DPP6: variants seen among roughly 807,000 people sequenced by gnomAD.
DPP6 encodes the protein dipeptidyl peptidase like 6.
DPP6 carries 69 observed loss-of-function variants against 122.6 expected under a neutral mutation model. The observed-to-expected ratio is 0.56, with a 90% CI of 0.46 to 0.69. The LOEUF (loss-of-function observed/expected upper bound fraction) is 0.69. Among genes scored for constraint, DPP6 ranks in the 30% least tolerant of loss-of-function variants. The probability of loss-of-function intolerance (pLI) is 0.00; values close to 1 mark genes in which losing one functional copy is unlikely to be tolerated. For synonymous variants in DPP6, 418 were observed against 433.1 expected (o/e 0.97, Z 0.43); for missense variants, 928 against 1,116.9 (o/e 0.83, Z 2.41).
intron 1 of DPP6, among the ~76,000 whole-genome samples, chr7:154,151,936 AC>A (rs1796444869): frequency 6.6e-6 from 1 of 151,028 alleles, no homozygotes; most frequent in Non-Finnish European, 1.5e-5. Context: ...TACGAGATCA[AC>A]CCCACACATT....
At chr7:154,087,437 G>A (rs567904591) in intron 1 of DPP6, among the ~76,000 whole-genome samples, 5 of 152,356 alleles carry the variant, frequency 3.3e-5, no homozygotes, top group African/African-American at 4.8e-5. Flanking sequence ...GACTGAATAT[G>A]GGTTGGAGGG....
At chr7:154,748,807 GCCTTGT>G (rs1182499667) in intron 8 of DPP6, among the ~76,000 whole-genome samples, 1 of 152,210 alleles carries the variant, frequency 6.6e-6, no homozygotes, top group Admixed American at 6.5e-5. Flanking sequence ...TCCCACCGAG[GCCTTGT>G]CCTGCAAGCC....
At position 154,265,971 on chromosome 7, in the gene DPP6, A is replaced by T. The variant is rs184384085; in HGVS notation, c.244-180243A>T. On this transcript the variant is annotated intron_variant, in intron 1 of 25. Coordinates refer to ENST00000377770, the MANE Select transcript of DPP6 (RefSeq NM_130797.4). ...CAGTCTAGAAATAACTTGGGTGTCCACATGTGAGGTAAGCATCTGGAACTA... is the reference window on the plus strand; with the variant it reads ...CAGTCTAGAAATAACTTGGGTGTCCTCATGTGAGGTAAGCATCTGGAACTA... Among the ~76,000 whole-genome samples the T allele has an allele frequency of 2.2e-3, 329 of 152,326 alleles. 3 individuals are homozygous for T. The highest frequency in any genetic ancestry group is 7.5e-3 in the African/African-American group (313 of 41,574).
At chr7:153,967,410 A>G (rs1167447282) in intron 1 of DPP6, among the ~76,000 whole-genome samples, 2 of 152,158 alleles carry the variant, frequency 1.3e-5, no homozygotes, top group Non-Finnish European at 2.9e-5. Context: ...GAGCATGAAC[A>G]AGGAGCATCT....
At chr7:154,557,529 A>G (rs1830131998) in intron 4 of DPP6, among the ~76,000 whole-genome samples, 1 of 152,148 alleles carries the variant, frequency 6.6e-6, no homozygotes, top group Non-Finnish European at 1.5e-5. Flanking sequence ...GGCACTGGGA[A>G]TAGAACCGTG....
At chr7:153,784,704 AT>A in the DPP6 span, among the ~76,000 whole-genome samples, 1 of 152,172 alleles carries the variant, frequency 6.6e-6, no homozygotes, top group African/African-American at 2.4e-5. Flanking sequence ...GTCTGAAAAG[AT>A]CTAGTGGTCC....
At chr7:154,119,380 C>T (rs1255839723) in intron 1 of DPP6, among the ~76,000 whole-genome samples, 2 of 152,050 alleles carry the variant, frequency 1.3e-5, no homozygotes, top group Non-Finnish European at 2.9e-5. Flanking sequence ...GGGTTCCCAT[C>T]CAAAGCAACC....
intron 1 of DPP6, among the ~76,000 whole-genome samples, chr7:153,962,806 C>T (rs911131781): frequency 1.3e-5 from 2 of 152,210 alleles, no homozygotes; most frequent in Admixed American, 1.3e-4. Flanking sequence ...CACAAATACT[C>T]TACATTTTAG....
intron 1 of DPP6, among the ~76,000 whole-genome samples, chr7:154,355,837 A>G (rs1811229898): frequency 6.6e-6 from 1 of 152,208 alleles, no homozygotes; most frequent in South Asian, 2.1e-4. Flanking sequence ...GTTTTCATTA[A>G]AATTTTAGAA....
chr7:154,249,738 A>T lies in DPP6; in HGVS notation c.244-196476A>T, dbSNP rs528910226. On this transcript the variant is annotated intron_variant, in intron 1 of 25. Coordinates refer to ENST00000377770, the MANE Select transcript of DPP6 (RefSeq NM_130797.4). ...CTGTCCCCAGATGCATTTCCATGTG[A>T]CTATACACATATGCACACAATCTTG... Among the ~76,000 whole-genome samples, 6 of 152,154 alleles carry T rather than the reference A, an allele frequency of 3.9e-5. No individual in the cohort carries two copies. In the East Asian group the frequency reaches 1.2e-3, roughly 30 times the overall value.
chr7:153,791,053 T>C, the DPP6 span, among the ~76,000 whole-genome samples: 1 of 152,224 alleles, frequency 6.6e-6, no homozygotes, highest in East Asian at 1.9e-4. Flanking sequence ...CTGTTCATTA[T>C]TATAGACAAT....
rs1428439369 is a variant in DPP6, at chr7:154,734,634, G to A, written c.883+6747G>A. On this transcript the variant is annotated intron_variant, in intron 8 of 25. Transcript: ENST00000377770. Reference sequence around the variant, plus strand: ...ATCTCTTATTTGCATGATGGGAAATGTTTGGTTAGACAAGGACATCACTCT... The same window carrying A: ...ATCTCTTATTTGCATGATGGGAAATATTTGGTTAGACAAGGACATCACTCT... 6.6e-5 allele frequency among the ~76,000 whole-genome samples: 10 copies of A among 152,314 alleles called. No individual in the cohort carries two copies. In the East Asian group the frequency reaches 9.6e-4, roughly 15 times the overall value.
intron 1 of DPP6, among the ~76,000 whole-genome samples, chr7:154,326,390 A>C (rs1808446647): frequency 6.6e-6 from 1 of 152,154 alleles, no homozygotes; most frequent in South Asian, 2.1e-4. Context: ...CTGGAGGATA[A>C]AAGTCAGAGC....
intron 1 of DPP6, among the ~76,000 whole-genome samples, chr7:154,163,759 G>C (rs1213701745): frequency 6.6e-6 from 1 of 152,188 alleles, no homozygotes; most frequent in Non-Finnish European, 1.5e-5. Flanking sequence ...CTCTGGAGAA[G>C]GTTCCAGGAT....
intron 1 of DPP6, among the ~76,000 whole-genome samples, chr7:154,123,712 C>T (rs1332696335): frequency 2.7e-5 from 4 of 150,862 alleles, no homozygotes; most frequent in African/African-American, 4.9e-5. Context: ...CGCTCGCTCA[C>T]GGGGCTTACC....
intron 1 of DPP6, among the ~76,000 whole-genome samples, chr7:154,257,411 C>T (rs1349118046): frequency 2.6e-5 from 4 of 151,984 alleles, no homozygotes; most frequent in South Asian, 2.1e-4. Context: ...TATTCAAAAG[C>T]GGTCTGGTGC....
intron 1 of DPP6, among the ~76,000 whole-genome samples, chr7:154,020,124 A>ACG (rs999154365): frequency 1.3e-5 from 2 of 152,094 alleles, no homozygotes; most frequent in African/African-American, 4.8e-5. Flanking sequence ...ACACACACAC[A>ACG]CACACTCATA....
At chr7:154,182,280 G>C (rs541640971) in intron 1 of DPP6, among the ~76,000 whole-genome samples, 4 of 152,292 alleles carry the variant, frequency 2.6e-5, no homozygotes, top group Admixed American at 1.3e-4. Flanking sequence ...TAACCACCAG[G>C]ATTGCCTAGG....
intron 18 of DPP6, among the ~76,000 whole-genome samples, chr7:154,871,665 C>T (rs943603205): frequency 3.4e-4 from 51 of 152,196 alleles, no homozygotes; most frequent in African/African-American, 1.1e-3. Context: ...CCGCCAGTCC[C>T]TGGGCCATTG....
Sources: allele counts gnomAD v4.1 joint callset (sites outside exome capture counted in the v4.1 genomes callset), GRCh38; gene constraint gnomAD v4.1.1; transcripts MANE v1.5; gene names NCBI Gene and HGNC (gene_info 2026-07-23, HGNC 2026-07-21).